GREB1: variants seen among roughly 807,000 people sequenced by gnomAD.
GREB1 encodes the protein growth regulating estrogen receptor binding 1, also known as protein GREB1.
GREB1 carries 106 observed loss-of-function variants against 200.7 expected under a neutral mutation model. That is an observed-to-expected ratio of 0.53 (90% confidence interval 0.45 to 0.62). The LOEUF is 0.62. Ranked by LOEUF, GREB1 falls within the 20% of genes least tolerant of loss-of-function variation. The pLI is 0.00. For synonymous variants in GREB1, 1,132 were observed against 1,092.4 expected, an observed-to-expected ratio of 1.04 and a Z score of -0.72; for missense variants, 2,243 against 2,556.8, an observed-to-expected ratio of 0.88 and a Z score of 2.65.
rs574707711 is a variant in GREB1, at chr2:11,629,279, G to A, written c.4450-669G>A. Among the ~76,000 whole-genome samples the A allele has an allele frequency of 6.6e-5, 10 of 152,248 alleles. No individual in the cohort carries two copies. Among genetic ancestry groups the A allele is most frequent in the South Asian group, 4.1e-4 (2 of 4,824 alleles). Reference sequence around the variant, plus strand: ...ACGTTCAAGCTGAGGGCAAAGCTGCGCTGGAGGTCACACCCAGAGCAGCAC... The same window carrying A: ...ACGTTCAAGCTGAGGGCAAAGCTGCACTGGAGGTCACACCCAGAGCAGCAC... On this transcript the variant is annotated intron_variant, in intron 25 of 32. Transcript: ENST00000381486. This position sits in a 1 kb window ranked among gnomAD's most constrained non-coding sequence, Gnocchi z 5.2.
rs183205909 is a variant in GREB1 at position 11,605,415 on chromosome 2, G to A, written c.2666+2873G>A. Among the ~76,000 whole-genome samples, 147 of 151,824 alleles carry A rather than the reference G, an allele frequency of 9.7e-4. No individual in the cohort carries two copies. The East Asian group carries it at 0.026, about 27-fold the overall frequency. Reference sequence around the variant, plus strand: ...TGATTTTTGTAGTTTTAGTAGAGACGGGGTTTCACCACGTTGGTCAGGCTG... The same window carrying A: ...TGATTTTTGTAGTTTTAGTAGAGACAGGGTTTCACCACGTTGGTCAGGCTG... On this transcript the variant is annotated intron_variant, in intron 17 of 32. Coordinates refer to ENST00000381486, the MANE Select transcript of GREB1 (RefSeq NM_014668.4).
chr2:11,513,655 C>T (rs1673410073), intron 1 of GREB1, among the ~76,000 whole-genome samples: 1 of 151,854 alleles, frequency 6.6e-6, no homozygotes, highest in Admixed American at 6.6e-5. Context: ...CCTGATCATT[C>T]TAGTTAATTG....
intron 1 of GREB1, among the ~76,000 whole-genome samples, chr2:11,542,995 A>G (rs1267429389): frequency 6.6e-6 from 1 of 152,130 alleles, no homozygotes; most frequent in Non-Finnish European, 1.5e-5. Context: ...TTTCTTGACA[A>G]TCCTCTCTGT....
intron 21 of GREB1, among the ~76,000 whole-genome samples, chr2:11,617,226 T>G (rs978352056): frequency 1.3e-5 from 2 of 152,232 alleles, no homozygotes; most frequent in Admixed American, 6.5e-5. Flanking sequence ...CCACACGGTC[T>G]CTGCCCTAAG....
intron 26 of GREB1, among the ~76,000 whole-genome samples, chr2:11,631,381 G>T (rs962863485): frequency 6.6e-6 from 1 of 152,182 alleles, no homozygotes; most frequent in African/African-American, 2.4e-5. Flanking sequence ...TGTGTGCTCT[G>T]GGCACAATAT....
chr2:11,586,645 T>A (rs1680130321), intron 9 of GREB1, among the ~76,000 whole-genome samples: 1 of 152,164 alleles, frequency 6.6e-6, no homozygotes, highest in Non-Finnish European at 1.5e-5. Context: ...CCCTCTTAAA[T>A]ACGTTATTAT....
chr2:11,613,587 G>A (rs1477626277), intron 19 of GREB1, among the ~76,000 whole-genome samples: 4 of 152,192 alleles, frequency 2.6e-5, no homozygotes, highest in African/African-American at 9.7e-5. Flanking sequence ...TGTGCATGCT[G>A]CATACTCATG....
intron 4 of GREB1, among the ~76,000 whole-genome samples, chr2:11,568,234 G>A (rs1051374998): frequency 6.6e-6 from 1 of 152,178 alleles, no homozygotes; most frequent in African/African-American, 2.4e-5. Flanking sequence ...CTCACTCCAC[G>A]GGTAGTTACT....
At chr2:11,614,354 T>G (rs963334435) in intron 19 of GREB1, among the ~76,000 whole-genome samples, 1 of 152,128 alleles carries the variant, frequency 6.6e-6, no homozygotes, top group Non-Finnish European at 1.5e-5. Context: ...CTTGAACTCC[T>G]GACCTCAAGT....
intron 1 of GREB1, among the ~76,000 whole-genome samples, chr2:11,512,638 C>G (rs1031393392): frequency 6.6e-5 from 10 of 152,180 alleles, no homozygotes; most frequent in African/African-American, 2.4e-4. Flanking sequence ...GGGCTGTGTG[C>G]TCCACACCCC....
intron 10 of GREB1, chr2:11,592,187 C>A: frequency 6.7e-5 from 21 of 311,712 alleles, no homozygotes; most frequent in South Asian, 1.3e-4. Flanking sequence ...TTTTTTTTTT[C>A]TTTTTTTTTT....
rs201217755 is a variant in GREB1, at chr2:11,607,428, ATGTGTGTGTG to A, written c.2667-3236_2667-3227del. On this transcript the variant is annotated intron_variant, in intron 17 of 32. Coordinates refer to ENST00000381486, the MANE Select transcript of GREB1 (RefSeq NM_014668.4). The stretch of plus-strand genomic sequence containing the variant: ...GCTGCCAATTTCATCCAGTATATGT[ATGTGTGTGTG>A]TGTGTGTGTGTGTGTGTGTGTGTAT... Among the ~76,000 whole-genome samples, 465 of 104,860 alleles carry A rather than the reference ATGTGTGTGTG, an allele frequency of 4.4e-3. 5 individuals carry two copies. The highest frequency in any genetic ancestry group is 7.7e-3 in the Non-Finnish European group (360 of 46,536). 68.8% of individuals were successfully genotyped at this position (104,860 alleles called of 152,430 possible).
At chr2:11,621,124 T>A (rs1683978979) in intron 23 of GREB1, 117 bp downstream of exon 23, 1 of 706,766 alleles carries the variant, frequency 1.4e-6, no homozygotes, top group Admixed American at 2.1e-5. Context: ...ATCAGACTCA[T>A]CCCAAGGACC....
intron 1 of GREB1, among the ~76,000 whole-genome samples, chr2:11,508,818 T>G (rs575494250): frequency 1.3e-5 from 2 of 151,948 alleles, no homozygotes; most frequent in African/African-American, 4.8e-5. Flanking sequence ...GTGGTTGTCT[T>G]CCGAAACATG....
chr2:11,526,230 A>T (rs1673870462), intron 1 of GREB1, among the ~76,000 whole-genome samples: 1 of 152,166 alleles, frequency 6.6e-6, no homozygotes, highest in Admixed American at 6.5e-5. Context: ...ATCATACGGC[A>T]CTTCATGAGA....
At chr2:11,579,378 C>T (rs1679225394) in intron 6 of GREB1, among the ~76,000 whole-genome samples, 1 of 152,272 alleles carries the variant, frequency 6.6e-6, no homozygotes, top group South Asian at 2.1e-4. Context: ...CTCTGAACCT[C>T]CATTTCCTCA....
chr2:11,622,526 T>C (rs1295115534), intron 23 of GREB1, among the ~76,000 whole-genome samples: 3 of 152,220 alleles, frequency 2.0e-5, no homozygotes, highest in Non-Finnish European at 2.9e-5. Flanking sequence ...TTTTCTACCT[T>C]AGACACTTAG....
At chr2:11,582,638 C>T (rs1338738307) in intron 7 of GREB1, among the ~76,000 whole-genome samples, 2 of 152,224 alleles carry the variant, frequency 1.3e-5, no homozygotes, top group Non-Finnish European at 2.9e-5. Flanking sequence ...CTGTGCAGTT[C>T]CCGAGGGCAG....
chr2:11,609,125 G>A (rs60221670), intron 17 of GREB1, among the ~76,000 whole-genome samples: 11,848 of 152,238 alleles, frequency 0.078, 623 homozygotes, highest in South Asian at 0.21. Context: ...AGCTGTTTCA[G>A]ATGGGAGGAT....
Sources: allele counts gnomAD v4.1 joint callset (sites outside exome capture counted in the v4.1 genomes callset), GRCh38; gene constraint gnomAD v4.1.1; non-coding constraint Gnocchi (gnomAD v3.1); transcripts MANE v1.5; gene names NCBI Gene and HGNC (gene_info 2026-07-23, HGNC 2026-07-21).